DNA2: variants seen among roughly 807,000 people sequenced by gnomAD.
DNA2 encodes DNA replication ATP-dependent helicase/nuclease DNA2.
Under a neutral mutation model 119.1 loss-of-function variants are expected in DNA2, and 101 were observed. That is an observed-to-expected ratio of 0.85 (90% confidence interval 0.72 to 1.00). The LOEUF is 1.00. DNA2 is among the 50% of genes least tolerant of loss of function. The probability of loss-of-function intolerance (pLI) is 0.00; values close to 1 mark genes in which losing one functional copy is unlikely to be tolerated. For synonymous variants in DNA2, 366 were observed against 424.4 expected, an observed-to-expected ratio of 0.86 and a Z score of 1.69; for missense variants, 1,121 against 1,255.5, an observed-to-expected ratio of 0.89 and a Z score of 1.62.
At position 68,450,036 on chromosome 10, in the gene DNA2, G is replaced by T; in HGVS notation, c.931C>A (p.Arg311Ser). 12 of 1,577,902 alleles carry T rather than the reference G, an allele frequency of 7.6e-6. No homozygotes were observed. Among genetic ancestry groups the T allele is most frequent in the Non-Finnish European group, 9.5e-6 (11 of 1,158,018 alleles). The stretch of plus-strand genomic sequence containing the variant: ...CTTATTAACATTTATACCTGACTAC[G>T]GTGTTCAATAGAATTTGATTCTTTG... ...TGKESNSIEH[R>S]SQVVLYTLLS... is the part of the protein sequence containing the mutation. The change falls in exon 6 of 21, where the codon CGT becomes AGT. Residue 311 changes from arginine (R) to serine (S), a missense_variant. Coordinates refer to ENST00000358410, the MANE Select transcript of DNA2 (RefSeq NM_001080449.3).
rs2052096048 is a variant in DNA2, at chr10:68,449,971, C to T, written c.939+57G>A. 8.1e-6 allele frequency: 9 copies of T among 1,117,510 alleles called. No homozygotes were observed. In the South Asian group the frequency reaches 1.1e-4, roughly 13 times the overall value. The allele number at this position is 1,117,510 out of a possible 1,614,324, so 69.2% of individuals were successfully genotyped here. A position where few individuals can be genotyped will look rare whatever the true frequency, so the allele number is the denominator to read the frequency against. On this transcript the variant is annotated intron_variant, in intron 6 of 20. Coordinates refer to ENST00000358410, the MANE Select transcript of DNA2 (RefSeq NM_001080449.3). ...CCTGGGAGACAGAACAAGACTCTGTCTCAAAAAAAAAAAAAAAAAAGTATA... is the reference window on the plus strand; with the variant it reads ...CCTGGGAGACAGAACAAGACTCTGTTTCAAAAAAAAAAAAAAAAAAGTATA...
At position 68,432,273 on chromosome 10, in the gene DNA2, C is replaced by A; in HGVS notation, c.1806G>T (p.Gln602His). 1 of 1,609,608 alleles carries A rather than the reference C, an allele frequency of 6.2e-7. No individual in the cohort carries two copies. The highest frequency in any genetic ancestry group is 8.5e-7 in the Non-Finnish European group (1 of 1,178,708). ...RDLIIDFREP[Q>H]FISYLSSVLP... ...GAACAGAACTAAGGTAGGATATAAA[C>A]TGAGGTTCACGAAAGTCAATAATTA... The change falls in exon 12 of 21, where the codon CAG (glutamine) becomes CAT (histidine). Residue 602 changes from glutamine (Q) to histidine (H), a missense_variant. By Grantham distance (24) the Gln-to-His change is conservative (BLOSUM62 0). Coordinates refer to ENST00000358410, the MANE Select transcript of DNA2 (RefSeq NM_001080449.3).
At chr10:68,425,848 T>C (rs570873114) in intron 14 of DNA2, among the ~76,000 whole-genome samples, 1 of 150,216 alleles carries the variant, frequency 6.7e-6, no homozygotes, top group South Asian at 2.1e-4. Context: ...AAAAAACAAA[T>C]ACCAGGCCAG....
rs370115630 is a variant in DNA2 at position 68,471,952 on chromosome 10, A to G, written c.-88T>C. 1 of 1,612,986 alleles carries G rather than the reference A, an allele frequency of 6.2e-7. No individual in the cohort carries two copies. Among genetic ancestry groups the G allele is most frequent in the South Asian group, 1.1e-5 (1 of 91,026 alleles). On this transcript the variant is annotated 5_prime_UTR_variant, in exon 1 of 21. Transcript: ENST00000358410. ...AGCTTAGAAAAGGGAAAAAGGCGCGAGCCTGCGCACCTCGCGCGCATGCGC... is the reference window on the plus strand; with the variant it reads ...AGCTTAGAAAAGGGAAAAAGGCGCGGGCCTGCGCACCTCGCGCGCATGCGC...
At chr10:68,429,824 G>GC (rs2051795343) in intron 14 of DNA2, among the ~76,000 whole-genome samples, 1 of 149,174 alleles carries the variant, frequency 6.7e-6, no homozygotes, top group Non-Finnish European at 1.5e-5. Flanking sequence ...CCTAGAGATA[G>GC]TTATCACAAG....
At chr10:68,417,504 C>T (rs2051607588) in intron 19 of DNA2, among the ~76,000 whole-genome samples, 1 of 144,620 alleles carries the variant, frequency 6.9e-6, no homozygotes, top group African/African-American at 2.6e-5. Context: ...AAATACAAAA[C>T]TTAACTGGGT....
At chr10:68,456,901 A>C (rs542263404) in intron 5 of DNA2, among the ~76,000 whole-genome samples, 2 of 151,538 alleles carry the variant, frequency 1.3e-5, no homozygotes, top group African/African-American at 4.8e-5. Context: ...TTGGGAGGCC[A>C]AGGTGGGCGG....
intron 14 of DNA2, among the ~76,000 whole-genome samples, chr10:68,427,425 A>G (rs986644181): frequency 2.6e-5 from 4 of 151,862 alleles, no homozygotes; most frequent in African/African-American, 7.3e-5. Context: ...TTTGGGAGGC[A>G]GACAGAGGTG....
intron 19 of DNA2, among the ~76,000 whole-genome samples, chr10:68,417,850 T>C (rs1015314442): frequency 2.6e-5 from 4 of 152,166 alleles, no homozygotes; most frequent in African/African-American, 9.7e-5. Context: ...AAGGAAATCC[T>C]GTCGCATACT....
rs1241621915 is a variant in DNA2, at chr10:68,431,959, G to C, written c.1886C>G (p.Pro629Arg). ...VACILKGLNK[P>R]QRQAMKKVLL... is the part of the protein sequence containing the mutation. ...TACCTTTTTCATCGCTTGCCTCTGA[G>C]GCTTATTCAAACCTACATTTAAATT... Residue 629 changes from proline to arginine, a missense_variant, in exon 13 of 21, where the codon CCT (proline) becomes CGT (arginine). By Grantham distance (103) the Pro-to-Arg change is moderately radical (BLOSUM62 -2). Transcript: ENST00000358410. 1 of 1,609,782 alleles carries C rather than the reference G, an allele frequency of 6.2e-7. No individual in the cohort carries two copies. Among genetic ancestry groups the C allele is most frequent in the African/African-American group, 1.3e-5 (1 of 74,734 alleles).
Position 68,415,205 on chromosome 10 carries a change from CA to C in DNA2, c.3115-99del, listed in dbSNP as rs72035454. ...TTTTGTAATTTGACTTACAGGACCA[CA>C]AAAAAAAAATAAGGATCTTTATGGC... On this transcript the variant is annotated intron_variant, in intron 20 of 20. Transcript: ENST00000358410. The C allele has an allele frequency of 0.22, 108,545 of 500,060 alleles. 10,364 individuals carry two copies. Among genetic ancestry groups the C allele is most frequent in the African/African-American group, 0.42 (20,481 of 49,198 alleles). The allele number at this position is 500,060 out of a possible 1,614,324, so 31.0% of individuals were successfully genotyped here.
chr10:68,434,878 C>G lies in DNA2; in HGVS notation c.1646+2133G>C, dbSNP rs1348249351. ...CAGTAGGGAACAAGCCTGGACATTT[C>G]CATTACAGTTACTCAGATGTCAATG... On this transcript the variant is annotated intron_variant, in intron 10 of 20. Coordinates refer to ENST00000358410, the MANE Select transcript of DNA2 (RefSeq NM_001080449.3). Among the ~76,000 whole-genome samples the G allele has an allele frequency of 5.3e-5, 8 of 152,302 alleles. No individual in the cohort carries two copies. In the South Asian group the frequency reaches 1.7e-3, roughly 32 times the overall value.
chr10:68,441,797 A>T (rs894749082), intron 9 of DNA2, among the ~76,000 whole-genome samples: 1 of 152,056 alleles, frequency 6.6e-6, no homozygotes, highest in Non-Finnish European at 1.5e-5. Flanking sequence ...GCGAGTATTT[A>T]AAAAATCCAG....
rs373252689 is a variant in DNA2, at chr10:68,468,118, T to C, written c.441+5A>G. On this transcript the variant is annotated splice_donor_5th_base_variant and intron_variant, in intron 3 of 20. Transcript: ENST00000358410. ...GCAGAAACATTAACTGTTACTATTATTTACCCTAAAAGTTTCACTCAGGAC... is the reference window on the plus strand; with the variant it reads ...GCAGAAACATTAACTGTTACTATTACTTACCCTAAAAGTTTCACTCAGGAC... 3.2e-6 allele frequency: 5 copies of C among 1,553,276 alleles called. No individual in the cohort carries two copies. Among genetic ancestry groups the C allele is most frequent in the Non-Finnish European group, 3.5e-6 (4 of 1,150,466 alleles).
At chr10:68,470,990 T>A (rs1400699653) in intron 1 of DNA2, among the ~76,000 whole-genome samples, 1 of 152,198 alleles carries the variant, frequency 6.6e-6, no homozygotes, top group African/African-American at 2.4e-5. Flanking sequence ...CTTTCATCCA[T>A]CGGTCCAAGC....
intron 4 of DNA2, among the ~76,000 whole-genome samples, chr10:68,463,079 C>A (rs1272607664): frequency 6.6e-6 from 1 of 151,732 alleles, no homozygotes; most frequent in Non-Finnish European, 1.5e-5. Flanking sequence ...TTGCAATGAG[C>A]CGAGATCACG....
At chr10:68,442,847 A>G (rs1043937574) in intron 9 of DNA2, 70 bp downstream of exon 9, 3 of 1,319,396 alleles carry the variant, frequency 2.3e-6, no homozygotes, top group Non-Finnish European at 3.1e-6. Context: ...TATTTGTCAT[A>G]AATTCCAAAG....
chr10:68,432,298 A>G lies in DNA2; in HGVS notation c.1781T>C (p.Leu594Ser). The G allele has an allele frequency of 6.2e-7, 1 of 1,602,262 alleles. No homozygotes were observed. The highest frequency in any genetic ancestry group is 8.5e-7 in the Non-Finnish European group (1 of 1,176,472). ...CTGAGGTTCACGAAAGTCAATAATT[A>G]AATCTCGAAGTTTTTTGCTGAAAAG... The part of the protein sequence containing the change: ...NTFVSKKLRD[L>S]IIDFREPQFI... The change falls in exon 12 of 21, where the codon TTA becomes TCA. Residue 594 changes from leucine (L) to serine (S), a missense_variant. Leu to Ser is a moderately radical substitution (Grantham distance 145). Coordinates refer to ENST00000358410, the MANE Select transcript of DNA2 (RefSeq NM_001080449.3).
chr10:68,435,023 G>A (rs530002396), intron 10 of DNA2, among the ~76,000 whole-genome samples: 40 of 152,210 alleles, frequency 2.6e-4, no homozygotes, highest in Admixed American at 3.9e-4. Flanking sequence ...TGGATTATTC[G>A]TGAATATGGA....
Sources: gnomAD v4.1 joint callset for allele counts (sites outside exome capture counted in the v4.1 genomes callset) on GRCh38, gnomAD v4.1.1 for gene constraint, MANE v1.5 for transcripts, NCBI Gene and HGNC (gene_info 2026-07-23, HGNC 2026-07-21) for gene names.